Variants in STK32B observed in about 807,000 individuals in gnomAD.
STK32B encodes the protein serine/threonine-protein kinase 32B.
In STK32B, 43 loss-of-function variants were observed where a neutral mutation model predicts 52.6. The ratio of observed to expected loss-of-function variants is 0.82; its 90% CI spans 0.64 to 1.05. The LOEUF (loss-of-function observed/expected upper bound fraction) is 1.05. Among genes scored for constraint, STK32B ranks in the 50% least tolerant of loss-of-function variants. The pLI, the probability that STK32B is intolerant of heterozygous loss-of-function variation, is 0.00. For missense variants in STK32B, 621 were observed against 534.6 expected (o/e 1.16, Z -1.59); for synonymous variants, 238 against 204.3 (o/e 1.17, Z -1.41).
intron 11 of STK32B, among the ~76,000 whole-genome samples, chr4:5,495,284 C>G: frequency 6.6e-6 from 1 of 152,064 alleles, no homozygotes; most frequent in South Asian, 2.1e-4. Flanking sequence ...TCTTTTTATT[C>G]TTTTTTCTCT....
At chr4:5,108,504 C>T (rs1425092995) in intron 1 of STK32B, among the ~76,000 whole-genome samples, 1 of 152,012 alleles carries the variant, frequency 6.6e-6, no homozygotes, top group Non-Finnish European at 1.5e-5. Flanking sequence ...GGAAATATTC[C>T]CCTTTTCTGT....
chr4:5,459,948 G>T (rs1477585192), intron 8 of STK32B, among the ~76,000 whole-genome samples, 155 bp from the exon 9 acceptor site: 4 of 152,176 alleles, frequency 2.6e-5, no homozygotes, highest in Admixed American at 6.5e-5. Flanking sequence ...GAGTGCAGAT[G>T]GCGCTTCCAA....
chr4:5,180,387 A>ATTTTATCCTACCAT (rs1388669952), intron 3 of STK32B, among the ~76,000 whole-genome samples: 1 of 152,032 alleles, frequency 6.6e-6, no homozygotes, highest in Admixed American at 6.6e-5. Flanking sequence ...TTATCCTACC[A>ATTTTATCCTACCAT]TTTTTGGTCC....
At chr4:5,177,186 T>C (rs1358118718) in intron 3 of STK32B, among the ~76,000 whole-genome samples, 2 of 152,198 alleles carry the variant, frequency 1.3e-5, no homozygotes, top group African/African-American at 4.8e-5. Context: ...GACTCACAGT[T>C]CTGCGTGGCT....
At position 5,456,825 on chromosome 4, in the gene STK32B, T is replaced by G. The variant is rs1716565487; in HGVS notation, c.685T>G (p.Ser229Ala). ...ATTGCAGAGGCCGTACGAAATCCAC[T>G]CGGTCACGCCCATCGATGAAATCCT... ...LRGWRPYEIHSVTPIDEILNM... is the reference protein window; with the variant it reads ...LRGWRPYEIHAVTPIDEILNM... Residue 229 changes from serine (S) to alanine (A), a missense_variant, in exon 8 of 12, where the codon TCG becomes GCG. Transcript: ENST00000282908. The G allele has an allele frequency of 1.3e-6, 2 of 1,586,152 alleles. No homozygotes were observed. The highest frequency in any genetic ancestry group is 2.7e-5 in the African/African-American group (2 of 74,440).
intron 3 of STK32B, among the ~76,000 whole-genome samples, chr4:5,213,289 C>T (rs1224557322): frequency 4.6e-5 from 7 of 152,130 alleles, no homozygotes; most frequent in Non-Finnish European, 8.8e-5. Flanking sequence ...TGGTGGAAGC[C>T]GACTAATGAT....
intron 11 of STK32B, among the ~76,000 whole-genome samples, chr4:5,472,899 G>A (rs1420868653): frequency 1.3e-5 from 2 of 151,862 alleles, no homozygotes; most frequent in Non-Finnish European, 2.9e-5. Flanking sequence ...TGGTTGTGAG[G>A]GCCATCCTGT....
At chr4:5,242,835 A>G (rs1725134227) in intron 3 of STK32B, among the ~76,000 whole-genome samples, 1 of 152,146 alleles carries the variant, frequency 6.6e-6, no homozygotes, top group African/African-American at 2.4e-5. Context: ...TAAATAGAGA[A>G]TCCTTTCCCC....
intron 2 of STK32B, among the ~76,000 whole-genome samples, chr4:5,158,754 G>A (rs1334239511): frequency 6.6e-6 from 1 of 152,078 alleles, no homozygotes. Context: ...GTCCTCACAT[G>A]GTCATCCCTC....
At chr4:5,180,897 A>T (rs1720302778) in intron 3 of STK32B, among the ~76,000 whole-genome samples, 1 of 152,202 alleles carries the variant, frequency 6.6e-6, no homozygotes, top group African/African-American at 2.4e-5. Context: ...TGTCAAGTGC[A>T]ATATTTTCAC....
intron 6 of STK32B, 60 bp from the exon 7 acceptor site, chr4:5,446,613 A>G: frequency 1.4e-6 from 2 of 1,462,810 alleles, no homozygotes; most frequent in South Asian, 2.3e-5. Context: ...CCCCTCTCTA[A>G]GGGGTGGTGG....
chr4:5,387,261 A>G (rs879457750), intron 4 of STK32B, among the ~76,000 whole-genome samples: 1 of 152,166 alleles, frequency 6.6e-6, no homozygotes, highest in African/African-American at 2.4e-5. Flanking sequence ...CAGACGGGAT[A>G]ATGCCACCAG....
At chr4:5,445,941 A>G (rs1715369032) in intron 6 of STK32B, among the ~76,000 whole-genome samples, 1 of 24,426 alleles carries the variant, frequency 4.1e-5, no homozygotes, top group Non-Finnish European at 7.2e-5. Flanking sequence ...TGTCCCTGAG[A>G]TAGGCCCCAG....
intron 9 of STK32B, among the ~76,000 whole-genome samples, chr4:5,461,881 A>G (rs975387829): frequency 6.6e-6 from 1 of 152,174 alleles, no homozygotes; most frequent in Non-Finnish European, 1.5e-5. Context: ...CAGAGTGGAC[A>G]TGGTGCTGCC....
At chr4:5,365,487 T>A (rs1396030622) in intron 4 of STK32B, among the ~76,000 whole-genome samples, 1 of 152,230 alleles carries the variant, frequency 6.6e-6, no homozygotes, top group Non-Finnish European at 1.5e-5. Context: ...TTTATTCTTA[T>A]TGTAGAAGTC....
intron 11 of STK32B, among the ~76,000 whole-genome samples, chr4:5,493,968 C>T (rs1381106120): frequency 6.6e-6 from 1 of 152,186 alleles, no homozygotes; most frequent in Non-Finnish European, 1.5e-5. Flanking sequence ...TTCTGATCTT[C>T]TACATTTGCT....
intron 5 of STK32B, among the ~76,000 whole-genome samples, chr4:5,413,751 A>G (rs981532784): frequency 2.0e-5 from 3 of 152,202 alleles, no homozygotes; most frequent in African/African-American, 7.2e-5. Flanking sequence ...AAACTGACCA[A>G]GGGTCTGAGA....
chr4:5,366,116 TG>T (rs1327333241), intron 4 of STK32B, among the ~76,000 whole-genome samples: 5 of 152,064 alleles, frequency 3.3e-5, no homozygotes, highest in African/African-American at 1.2e-4. Flanking sequence ...GGAGAGGTGG[TG>T]AGCCAAGGGC....
At chr4:5,166,230 A>G (rs1396451225) in intron 2 of STK32B, among the ~76,000 whole-genome samples, 1 of 151,990 alleles carries the variant, frequency 6.6e-6, no homozygotes, top group African/African-American at 2.4e-5. Context: ...TTTCTCAGGA[A>G]GGCCACACTG....
Sources: gnomAD v4.1 joint callset for allele counts (sites outside exome capture counted in the v4.1 genomes callset) on GRCh38, gnomAD v4.1.1 for gene constraint, MANE v1.5 for transcripts, NCBI Gene and HGNC (gene_info 2026-07-23, HGNC 2026-07-21) for gene names.